HLTF: variants seen among roughly 807,000 people sequenced by gnomAD.
The protein encoded by HLTF is helicase like transcription factor.
Under a neutral mutation model 129.4 loss-of-function variants are expected in HLTF, and 127 were observed. The observed-to-expected ratio is 0.98, with a 90% CI of 0.85 to 1.14. HLTF has a LOEUF of 1.14. Among genes scored for constraint, HLTF ranks in the 50% most tolerant of loss-of-function variants. The probability of loss-of-function intolerance (pLI) is 0.00; values close to 1 mark genes in which losing one functional copy is unlikely to be tolerated. For synonymous variants in HLTF, 332 were observed against 388.8 expected, an observed-to-expected ratio of 0.85 and a Z score of 1.72; for missense variants, 1,139 against 1,187.1, an observed-to-expected ratio of 0.96 and a Z score of 0.60.
At chr3:149,074,141 AAG>A in intron 4 of HLTF, 72 bp downstream of exon 4, 7 of 1,453,658 alleles carry the variant, frequency 4.8e-6, no homozygotes, top group Non-Finnish European at 6.5e-6. Context: ...AACAAACTCC[AAG>A]AGAGAATAAA....
chr3:149,038,977 A>G (rs942720772), intron 23 of HLTF, 72 bp downstream of exon 23: 1 of 870,266 alleles, frequency 1.1e-6, no homozygotes, highest in Non-Finnish European at 1.7e-6. Flanking sequence ...GAAGGTATTT[A>G]CCAAATAGTT....
intron 15 of HLTF, among the ~76,000 whole-genome samples, chr3:149,049,621 GAAAAT>G (rs1362600927): frequency 6.6e-6 from 1 of 152,032 alleles, no homozygotes; most frequent in East Asian, 1.9e-4. Flanking sequence ...TATTAAAAAA[GAAAAT>G]AAAATTCATT....
At position 149,075,933 on chromosome 3, in the gene HLTF, GCT is replaced by G. The variant is rs1239542857; in HGVS notation, c.341_342del (p.Glu114AlafsTer17). ...NGNQVGHLKK[E>X]LAGALAYIMD... ...ATGATATAGGCCAAAGCACCTGCAA[GCT>G]CTTTCTTTAAATGGCCAACTTGATT... On this transcript the variant is annotated frameshift_variant, in exon 3 of 25. Coordinates refer to ENST00000310053, the MANE Select transcript of HLTF (RefSeq NM_003071.4). LOFTEE classifies it high-confidence loss of function. The G allele has an allele frequency of 1.9e-6, 3 of 1,607,280 alleles. No individual in the cohort carries two copies. Among genetic ancestry groups the G allele is most frequent in the Non-Finnish European group, 2.6e-6 (3 of 1,174,790 alleles).
At chr3:149,067,845 A>G (rs896775929) in intron 8 of HLTF, among the ~76,000 whole-genome samples, 3 of 152,174 alleles carry the variant, frequency 2.0e-5, no homozygotes, top group African/African-American at 7.2e-5. Flanking sequence ...CAAATTATCA[A>G]TTGTTCTCAA....
chr3:149,035,683 A>AAAG (rs1715537798), intron 23 of HLTF, among the ~76,000 whole-genome samples: 1 of 130,444 alleles, frequency 7.7e-6, no homozygotes, highest in African/African-American at 2.8e-5. Context: ...AAAAAAAAAA[A>AAAG]GGGGGTTTTA....
At chr3:149,079,474 A>G (rs1719692845) in intron 2 of HLTF, among the ~76,000 whole-genome samples, 1 of 73,572 alleles carries the variant, frequency 1.4e-5, no homozygotes, top group Admixed American at 1.4e-4. Context: ...TATCTCATTA[A>G]AAAGTATATA....
At chr3:149,044,050 A>G (rs2107973415) in intron 18 of HLTF, among the ~76,000 whole-genome samples, 1 of 152,264 alleles carries the variant, frequency 6.6e-6, no homozygotes, top group African/African-American at 2.4e-5. Flanking sequence ...TACAAGCTCT[A>G]AACCAAAGTG....
At chr3:149,051,337 G>A (rs551898794) in intron 14 of HLTF, among the ~76,000 whole-genome samples, 1 of 151,906 alleles carries the variant, frequency 6.6e-6, no homozygotes, top group South Asian at 2.1e-4. Context: ...CCTAACTGAA[G>A]ACGTATACTA....
At chr3:149,040,707 T>C (rs1376763821) in intron 20 of HLTF, among the ~76,000 whole-genome samples, 2 of 152,090 alleles carry the variant, frequency 1.3e-5, no homozygotes, top group African/African-American at 2.4e-5. Flanking sequence ...TAAATAATTC[T>C]GAAGCTAAAA....
intron 3 of HLTF, among the ~76,000 whole-genome samples, 155 bp from the exon 4 acceptor site, chr3:149,074,503 A>C (rs1240406470): frequency 6.6e-6 from 1 of 152,214 alleles, no homozygotes; most frequent in Non-Finnish European, 1.5e-5. Context: ...AAAAAAGGAA[A>C]AGAAATAGAA....
chr3:149,037,467 CAAAAA>C (rs71135657), intron 23 of HLTF, among the ~76,000 whole-genome samples: 1 of 99,590 alleles, frequency 1.0e-5, no homozygotes, highest in Admixed American at 1.1e-4. Flanking sequence ...GACTCTGTCT[CAAAAA>C]AAAAAAAAAA....
intron 5 of HLTF, among the ~76,000 whole-genome samples, chr3:149,072,157 G>A (rs1718930098): frequency 6.6e-6 from 1 of 152,186 alleles, no homozygotes; most frequent in Admixed American, 6.6e-5. Context: ...TCACTGAAGA[G>A]CGAATGAACA....
chr3:149,058,351 C>T (rs1157782230), intron 13 of HLTF, among the ~76,000 whole-genome samples: 1 of 144,262 alleles, frequency 6.9e-6, no homozygotes, highest in African/African-American at 2.4e-5. Context: ...TGCCACCATG[C>T]CTGCTGCCAC....
intron 9 of HLTF, 59 bp from the exon 10 acceptor site, chr3:149,063,583 T>G (rs1473113549): frequency 1.0e-6 from 1 of 1,000,510 alleles, no homozygotes; most frequent in African/African-American, 1.6e-5. Context: ...AAACTAGTAT[T>G]ATCCCTCTTA....
At position 149,042,218 on chromosome 3, in the gene HLTF, A is replaced by C. The variant is rs772967707; in HGVS notation, c.2145T>G (p.Ile715Met). ...VLGLLLRLRQ[I>M]CCHTYLLTNA... ...TTGTAAGAAGGTAAGTATGGCAACA[A>C]ATTTGCCGCAGTCTAAGCAAAAGAC... The change falls in exon 19 of 25, where the codon ATT becomes ATG. Residue 715 changes from isoleucine (I) to methionine (M), a missense_variant. Coordinates refer to ENST00000310053, the MANE Select transcript of HLTF (RefSeq NM_003071.4). 1 of 1,613,278 alleles carries C rather than the reference A, an allele frequency of 6.2e-7. No homozygotes were observed. Among genetic ancestry groups the C allele is most frequent in the Non-Finnish European group, 8.5e-7 (1 of 1,179,292 alleles).
Position 149,042,299 on chromosome 3 carries a change from T to TA in HLTF, c.2073-10dup. 1 of 1,600,140 alleles carries TA rather than the reference T, an allele frequency of 6.2e-7. No individual in the cohort carries two copies. On this transcript the variant is annotated splice_polypyrimidine_tract_variant and intron_variant, in intron 18 of 24. Transcript: ENST00000310053. ...TCCCTTCATTAAAATACCTAGAGATTAAAATGTCAAATATTATTAAGTCCG... is the reference window on the plus strand; with the variant it reads ...TCCCTTCATTAAAATACCTAGAGATTAAAAATGTCAAATATTATTAAGTCCG...
chr3:149,084,580 G>A, intron 2 of HLTF, 102 bp downstream of exon 2: 3 of 834,082 alleles, frequency 3.6e-6, no homozygotes, highest in Non-Finnish European at 5.6e-6. Flanking sequence ...CTAACTTAAA[G>A]TAAAATAAAG....
rs748593119 is a variant in HLTF, at chr3:149,041,459, A to G, written c.2376+31T>C. ...AAAGACAGGTACACTACTCTATCAA[A>G]CACTGAACCTGTACTGAGCAAAAAA... On this transcript the variant is annotated intron_variant, in intron 20 of 24. Coordinates refer to ENST00000310053, the MANE Select transcript of HLTF (RefSeq NM_003071.4). 9.8e-6 allele frequency: 15 copies of G among 1,527,326 alleles called. No individual in the cohort carries two copies. The Middle Eastern group carries it at 6.9e-4, about 71-fold the overall frequency. 94.6% of individuals were successfully genotyped at this position (1,527,326 alleles called of 1,614,324 possible).
intron 13 of HLTF, chr3:149,059,472 G>C (rs1361722531): frequency 8.1e-6 from 4 of 495,484 alleles, no homozygotes; most frequent in South Asian, 2.1e-5. Flanking sequence ...AAATATCTCT[G>C]CTATTCAGAG....
Sources: allele counts gnomAD v4.1 joint callset (sites outside exome capture counted in the v4.1 genomes callset), GRCh38; gene constraint gnomAD v4.1.1; transcripts MANE v1.5; gene names NCBI Gene and HGNC (gene_info 2026-07-23, HGNC 2026-07-21).